Variants in TEX9 observed in about 807,000 individuals in gnomAD.
The protein encoded by TEX9 is testis-expressed protein 9.
In TEX9, 74 loss-of-function variants were observed where a neutral mutation model predicts 59.6. The ratio of observed to expected loss-of-function variants is 1.24; its 90% CI spans 1.03 to 1.51. The LOEUF (loss-of-function observed/expected upper bound fraction) is 1.51, where lower values mean the gene tolerates loss of function less well. Among genes scored for constraint, TEX9 ranks in the 40% most tolerant of loss-of-function variants. TEX9 has a pLI of 0.00. For synonymous variants in TEX9, 186 were observed against 152.2 expected, an observed-to-expected ratio of 1.22 and a Z score of -1.64; for missense variants, 522 against 447.8, an observed-to-expected ratio of 1.17 and a Z score of -1.49.
At chr15:56,280,877 C>G (rs1315348497) in intron 1 of TEX9, among the ~76,000 whole-genome samples, 1 of 152,184 alleles carries the variant, frequency 6.6e-6, no homozygotes, top group Non-Finnish European at 1.5e-5. Flanking sequence ...CATAGATCTG[C>G]TAAAGTAATT....
intron 9 of TEX9, among the ~76,000 whole-genome samples, chr15:56,409,121 G>C (rs1050984954): frequency 4.6e-5 from 7 of 152,038 alleles, no homozygotes; most frequent in Non-Finnish European, 4.4e-5. Context: ...GCGTGAACCC[G>C]GGAGGCGGTG....
chr15:56,319,976 G>T (rs983402116), intron 1 of TEX9, among the ~76,000 whole-genome samples: 4 of 152,124 alleles, frequency 2.6e-5, no homozygotes, highest in African/African-American at 9.7e-5. Context: ...GGTATATCAG[G>T]CTGAACAGAG....
intron 1 of TEX9, among the ~76,000 whole-genome samples, chr15:56,303,551 C>A (rs2045409921): frequency 6.6e-6 from 1 of 151,918 alleles, no homozygotes; most frequent in African/African-American, 2.4e-5. Flanking sequence ...CGTACTAAGA[C>A]CAAAATTTAT....
At chr15:56,443,343 G>T in intron 12 of TEX9, 3 of 960,536 alleles carry the variant, frequency 3.1e-6, no homozygotes, top group Non-Finnish European at 4.4e-6. Context: ...CAGTATGGTT[G>T]GATTTAAATG....
chr15:56,382,037 A>C (rs1456829176), intron 3 of TEX9, among the ~76,000 whole-genome samples: 1 of 152,112 alleles, frequency 6.6e-6, no homozygotes, highest in African/African-American at 2.4e-5. Context: ...CTGGTGTTCT[A>C]GTGTTTTGTG....
upstream of TEX9, among the ~76,000 whole-genome samples, chr15:56,364,586 G>A (rs1006734522): frequency 3.3e-5 from 5 of 151,820 alleles, no homozygotes; most frequent in African/African-American, 9.7e-5. Context: ...GAGCTTTAGA[G>A]TTTTAGCTCC....
chr15:56,306,201 A>G lies in TEX9; in HGVS notation c.-107+61923A>G, dbSNP rs566036141. Among the ~76,000 whole-genome samples the G allele has an allele frequency of 2.0e-5, 3 of 151,080 alleles. No individual in the cohort carries two copies. The South Asian group carries it at 6.3e-4, about 32-fold the overall frequency. ...ATGCAGAACAGTATGGAGGTTCCTCAGAAAACTAGAAATAAAACTACCAGC... is the reference window on the plus strand; with the variant it reads ...ATGCAGAACAGTATGGAGGTTCCTCGGAAAACTAGAAATAAAACTACCAGC... On this transcript the variant is annotated intron_variant, in intron 1 of 5. Transcript: ENST00000560827.
In TEX9 at chr15:56,339,396, A is replaced by AC. The variant is rs1567091351; in HGVS notation, c.-106-34045_-106-34044insC. The stretch of plus-strand genomic sequence containing the variant: ...AGACTCCTTCTCCAAAAAAAAAAAA[A>AC]AAAAAAAAAAAAAAAAAACAGGAGA... On this transcript the variant is annotated intron_variant, in intron 1 of 5. Transcript: ENST00000560827. 9.8e-4 allele frequency among the ~76,000 whole-genome samples: 118 copies of AC among 120,548 alleles called. 4 individuals are homozygous for AC. In the East Asian group the frequency reaches 0.016, roughly 17 times the overall value. The allele number at this position is 120,548 out of a possible 152,430, so 79.1% of individuals were successfully genotyped here. A position where few individuals can be genotyped will look rare whatever the true frequency, so the allele number is the denominator to read the frequency against.
At chr15:56,432,297 G>A (rs376880736) in intron 12 of TEX9, among the ~76,000 whole-genome samples, 17 of 152,150 alleles carry the variant, frequency 1.1e-4, no homozygotes, top group African/African-American at 3.1e-4. Context: ...AGGCAGTTAC[G>A]AAATCAACTT....
At chr15:56,451,754 G>A in the TEX9 span, among the ~76,000 whole-genome samples, 305 of 152,162 alleles carry the variant, frequency 2.0e-3, 5 homozygotes, top group African/African-American at 6.9e-3. Context: ...TAAACCTGTC[G>A]TAAATTGAAA....
chr15:56,339,397 A>C lies in TEX9; in HGVS notation c.-106-34044A>C, dbSNP rs146564307. On this transcript the variant is annotated intron_variant, in intron 1 of 5. Coordinates refer to the TEX9 transcript ENST00000560827. ...GACTCCTTCTCCAAAAAAAAAAAAA[A>C]AAAAAAAAAAAAAAAAACAGGAGAA... Among the ~76,000 whole-genome samples the C allele has an allele frequency of 1.3e-3, 82 of 61,100 alleles. 3 individuals carry two copies. The highest frequency in any genetic ancestry group is 7.6e-3 in the Middle Eastern group (1 of 132). 40.1% of individuals were successfully genotyped at this position (61,100 alleles called of 152,430 possible). A position where few individuals can be genotyped will look rare whatever the true frequency, so the allele number is the denominator to read the frequency against.
At chr15:56,413,180 CTATTTAATAATTAAATATTTAA>C (rs1343355926) in intron 10 of TEX9, among the ~76,000 whole-genome samples, 5 of 47,308 alleles carry the variant, frequency 1.1e-4, no homozygotes, top group Admixed American at 2.4e-4. Flanking sequence ...TTTTTAAATT[CTATTTAATAATTAAATATTTAA>C]TATTTAATAA....
rs2046621971 is a variant in TEX9, at chr15:56,353,347, A to G, written c.-106-20094A>G. On this transcript the variant is annotated intron_variant, in intron 1 of 5. Transcript: ENST00000560827. ...TATTTGGCTTTGACTATTTGTAAGT[A>G]AAAAATAAAAATAGCATTTATTACT... Among the ~76,000 whole-genome samples, 3 of 152,214 alleles carry G rather than the reference A, an allele frequency of 2.0e-5. No individual in the cohort carries two copies. The South Asian group carries it at 6.2e-4, about 32-fold the overall frequency.
intron 1 of TEX9, among the ~76,000 whole-genome samples, chr15:56,286,761 A>G (rs1234530010): frequency 2.6e-5 from 4 of 152,192 alleles, no homozygotes; most frequent in Non-Finnish European, 5.9e-5. Context: ...ATAAAGTTGT[A>G]TGTCTTAGCC....
chr15:56,366,563 A>G (rs1269267699), intron 2 of TEX9, among the ~76,000 whole-genome samples: 1 of 152,172 alleles, frequency 6.6e-6, no homozygotes, highest in Non-Finnish European at 1.5e-5. Context: ...ATTTGTTACA[A>G]TAAATTCATT....
intron 9 of TEX9, among the ~76,000 whole-genome samples, chr15:56,411,698 C>T (rs1199929656): frequency 2.0e-5 from 3 of 152,114 alleles, no homozygotes; most frequent in Non-Finnish European, 4.4e-5. Flanking sequence ...CCTCTAGGTT[C>T]ATGTTTCTTC....
At chr15:56,444,299 T>C in intron 12 of TEX9, 1 of 637,002 alleles carries the variant, frequency 1.6e-6, no homozygotes. Context: ...AAGGAGTTGG[T>C]CCCAATTTAT....
intron 1 of TEX9, among the ~76,000 whole-genome samples, chr15:56,246,343 C>A (rs1340117069): frequency 1.3e-5 from 2 of 152,090 alleles, no homozygotes; most frequent in African/African-American, 4.8e-5. Flanking sequence ...ACTGAGGAGA[C>A]CTTATTGCCA....
At chr15:56,282,733 G>A (rs1361763097) in intron 1 of TEX9, among the ~76,000 whole-genome samples, 1 of 152,164 alleles carries the variant, frequency 6.6e-6, no homozygotes, top group Non-Finnish European at 1.5e-5. Context: ...AAGTGGGATT[G>A]AAGTAGATGT....
Sources: gnomAD v4.1 joint callset for allele counts (sites outside exome capture counted in the v4.1 genomes callset) on GRCh38, gnomAD v4.1.1 for gene constraint, MANE v1.5 for transcripts, NCBI Gene and HGNC (gene_info 2026-07-23, HGNC 2026-07-21) for gene names.